UBASH3B: variants seen among roughly 807,000 people sequenced by gnomAD.
The protein encoded by UBASH3B is ubiquitin associated and SH3 domain containing B, also known as ubiquitin-associated and SH3 domain-containing protein B.
UBASH3B carries 37 observed loss-of-function variants against 83.4 expected under a neutral mutation model. The observed-to-expected ratio is 0.44, with a 90% CI of 0.34 to 0.58. The LOEUF (loss-of-function observed/expected upper bound fraction) is 0.58. Among genes scored for constraint, UBASH3B ranks in the 20% least tolerant of loss-of-function variants. UBASH3B has a pLI of 0.01. For synonymous variants in UBASH3B, 304 were observed against 318.3 expected (o/e 0.96, Z 0.48); for missense variants, 657 against 827.2 (o/e 0.79, Z 2.52).
intron 1 of UBASH3B, among the ~76,000 whole-genome samples, chr11:122,690,268 A>C (rs565040685): frequency 1.1e-3 from 148 of 137,626 alleles, no homozygotes; most frequent in Non-Finnish European, 2.0e-3. Flanking sequence ...ATATATATAT[A>C]TATCTCCAAT....
chr11:122,695,502 G>C (rs1169134494), intron 1 of UBASH3B, among the ~76,000 whole-genome samples: 1 of 152,146 alleles, frequency 6.6e-6, no homozygotes, highest in Non-Finnish European at 1.5e-5. Context: ...ACCCCTTCTG[G>C]GAATATCTCC....
rs1448066962 is a variant in UBASH3B, at chr11:122,759,502, AC to A, written c.162-16715del. 2.6e-5 allele frequency among the ~76,000 whole-genome samples: 4 copies of A among 152,168 alleles called. No homozygotes were observed. Among genetic ancestry groups the A allele is most frequent in the African/African-American group, 9.7e-5 (4 of 41,440 alleles). On this transcript the variant is annotated intron_variant, in intron 1 of 13. Coordinates refer to ENST00000284273, the MANE Select transcript of UBASH3B (RefSeq NM_032873.5). This position sits in a 1 kb window ranked among gnomAD's most constrained non-coding sequence, Gnocchi z 4.1. ...TAATATATAATGAAATAGTGATACAACCAACTCACCATAATGTAGAATGAGT... is the reference window on the plus strand; with the variant it reads ...TAATATATAATGAAATAGTGATACAACAACTCACCATAATGTAGAATGAGT...
intron 1 of UBASH3B, among the ~76,000 whole-genome samples, chr11:122,671,168 G>T (rs1863588585): frequency 6.6e-6 from 1 of 152,226 alleles, no homozygotes; most frequent in African/African-American, 2.4e-5. Context: ...TCAGTGCGCA[G>T]TGGGAGCCAC....
chr11:122,708,497 T>C (rs1864153208), intron 1 of UBASH3B, among the ~76,000 whole-genome samples: 1 of 152,144 alleles, frequency 6.6e-6, no homozygotes, highest in Non-Finnish European at 1.5e-5. Context: ...TTTCACCATG[T>C]TGGCCAGGCT....
Position 122,655,946 on chromosome 11 carries a change from G to A in UBASH3B, c.-104G>A. ...CTCCGCTGCCGCCGCCTCCTGCCTG[G>A]CTCTGGGTCCCCGAGCCCCCTCCCC... On this transcript the variant is annotated 5_prime_UTR_variant, in exon 1 of 14. Coordinates refer to ENST00000284273, the MANE Select transcript of UBASH3B (RefSeq NM_032873.5). 4.0e-6 allele frequency: 5 copies of A among 1,238,802 alleles called. No individual in the cohort carries two copies. The highest frequency in any genetic ancestry group is 5.3e-6 in the Non-Finnish European group (5 of 950,218). 76.7% of individuals were successfully genotyped at this position (1,238,802 alleles called of 1,614,324 possible). A position where few individuals can be genotyped will look rare whatever the true frequency, so the allele number is the denominator to read the frequency against.
At chr11:122,665,784 G>C (rs892107547) in intron 1 of UBASH3B, among the ~76,000 whole-genome samples, 5 of 152,268 alleles carry the variant, frequency 3.3e-5, no homozygotes, top group Admixed American at 6.5e-5. Context: ...CAAACAATTT[G>C]TTTTCTTGCA....
intron 1 of UBASH3B, among the ~76,000 whole-genome samples, chr11:122,667,609 T>G (rs1169114723): frequency 2.6e-5 from 4 of 152,180 alleles, no homozygotes; most frequent in African/African-American, 9.7e-5. Context: ...AGCACACGAT[T>G]ACATCTGAAG....
In UBASH3B at chr11:122,797,012, T is replaced by C. The variant is rs1861168661; in HGVS notation, c.1336T>C (p.Cys446Arg). The change falls in exon 9 of 14, where the codon TGC becomes CGC. Residue 446 changes from cysteine (C) to arginine (R), a missense_variant. Cys to Arg is a radical substitution (Grantham distance 180). Around this residue, in one of 3 missense-constraint regions of UBASH3B, gnomAD observed 573 missense variants for 739.0 expected, o/e 0.78. Transcript: ENST00000284273. ...AGATGCTCCCATCACTGTGTTTGGATGCATGCAAGCAAGACTAGTGGGTAA... is the reference window on the plus strand; with the variant it reads ...AGATGCTCCCATCACTGTGTTTGGACGCATGCAAGCAAGACTAGTGGGTAA... ...EKDAPITVFGCMQARLVGEAL... is the reference protein window; with the variant it reads ...EKDAPITVFGRMQARLVGEAL... 4 of 1,612,796 alleles carry C rather than the reference T, an allele frequency of 2.5e-6. No homozygotes were observed. The highest frequency in any genetic ancestry group is 2.5e-6 in the Non-Finnish European group (3 of 1,179,400).
intron 1 of UBASH3B, among the ~76,000 whole-genome samples, chr11:122,710,455 C>G (rs1864177066): frequency 6.6e-6 from 1 of 152,188 alleles, no homozygotes; most frequent in African/African-American, 2.4e-5. Flanking sequence ...AAGGCAGGTC[C>G]AGTCTCATCC....
chr11:122,737,996 CTG>C (rs1379975250), intron 1 of UBASH3B, among the ~76,000 whole-genome samples: 5 of 151,892 alleles, frequency 3.3e-5, no homozygotes, highest in African/African-American at 1.2e-4. Context: ...ACAAAGGAAA[CTG>C]AGAATAAGCC....
At chr11:122,680,088 C>T (rs1193989616) in intron 1 of UBASH3B, among the ~76,000 whole-genome samples, 1 of 152,174 alleles carries the variant, frequency 6.6e-6, no homozygotes, top group Non-Finnish European at 1.5e-5. Context: ...GCCTCGGCCT[C>T]CCAAAGTGCT....
chr11:122,814,202 T>C lies in UBASH3B; in HGVS notation c.*4316T>C, dbSNP rs1861501422. On this transcript the variant is annotated 3_prime_UTR_variant, in exon 14 of 14. Coordinates refer to ENST00000284273, the MANE Select transcript of UBASH3B (RefSeq NM_032873.5). Reference sequence around the variant, plus strand: ...AAACCTGTTATTTTGGAGAGGTGTATTGGTTTCTTTCTCATTTATAAGGCT... The same window carrying C: ...AAACCTGTTATTTTGGAGAGGTGTACTGGTTTCTTTCTCATTTATAAGGCT... 1 of 152,428 alleles carries C rather than the reference T, an allele frequency of 6.6e-6. No homozygotes were observed. The highest frequency in any genetic ancestry group is 6.6e-5 in the Admixed American group (1 of 15,228). The allele number at this position is 152,428 out of a possible 1,614,324, so 9.4% of individuals were successfully genotyped here.
rs57890823 is a variant in UBASH3B at position 122,690,214 on chromosome 11, T to TTATATATATA, written c.161+34010_161+34019dup. Among the ~76,000 whole-genome samples, 266 of 52,626 alleles carry TTATATATATA rather than the reference T, an allele frequency of 5.1e-3. 8 individuals carry two copies. Among genetic ancestry groups the TTATATATATA allele is most frequent in the African/African-American group, 0.02 (251 of 12,310 alleles). 34.5% of individuals were successfully genotyped at this position (52,626 alleles called of 152,430 possible). ...TATATATATATATATATATATCCAA[T>TTATATATATA]TATATATATATATATCCAATTTTAT... is the stretch of plus-strand genomic sequence containing the variant. On this transcript the variant is annotated intron_variant, in intron 1 of 13. Coordinates refer to ENST00000284273, the MANE Select transcript of UBASH3B (RefSeq NM_032873.5).
At chr11:122,722,588 A>G (rs959462090) in intron 1 of UBASH3B, among the ~76,000 whole-genome samples, 4 of 152,194 alleles carry the variant, frequency 2.6e-5, no homozygotes, top group East Asian at 3.9e-4. Flanking sequence ...CCAGCTTGGT[A>G]GAAAATTGGG....
rs965559074 is a variant in UBASH3B at position 122,812,210 on chromosome 11, A to C, written c.*2324A>C. The C allele has an allele frequency of 2.6e-5, 4 of 152,072 alleles. No homozygotes were observed. The highest frequency in any genetic ancestry group is 5.9e-5 in the Non-Finnish European group (4 of 68,006). The allele number at this position is 152,072 out of a possible 1,614,324, so 9.4% of individuals were successfully genotyped here. A position where few individuals can be genotyped will look rare whatever the true frequency, so the allele number is the denominator to read the frequency against. ...ATTTTCCGAATAATTCAGGTGGAAA[A>C]CAAGAAAGATTGTATTTCTCTGCTT... On this transcript the variant is annotated 3_prime_UTR_variant, in exon 14 of 14. Transcript: ENST00000284273.
chr11:122,662,650 C>CG (rs1466583837), intron 1 of UBASH3B, among the ~76,000 whole-genome samples: 8 of 152,030 alleles, frequency 5.3e-5, no homozygotes, highest in African/African-American at 1.9e-4. Flanking sequence ...AGGCTGGTCT[C>CG]GAACTCCTGA....
intron 5 of UBASH3B, among the ~76,000 whole-genome samples, chr11:122,786,414 T>C (rs1455385009): frequency 1.3e-5 from 2 of 151,790 alleles, no homozygotes; most frequent in Non-Finnish European, 2.9e-5. Flanking sequence ...CCCAGCACTT[T>C]AGGAGGCCGA....
chr11:122,805,936 A>C (rs1861333801), intron 11 of UBASH3B, among the ~76,000 whole-genome samples: 1 of 152,334 alleles, frequency 6.6e-6, no homozygotes, highest in South Asian at 2.1e-4. Flanking sequence ...TCAAAATAAG[A>C]GAGAATTAAA....
Position 122,806,344 on chromosome 11 carries a change from A to G in UBASH3B, c.1596-66A>G. 2 of 1,347,522 alleles carry G rather than the reference A, an allele frequency of 1.5e-6. No homozygotes were observed. Among genetic ancestry groups the G allele is most frequent in the Non-Finnish European group, 2.1e-6 (2 of 966,616 alleles). 83.5% of individuals were successfully genotyped at this position (1,347,522 alleles called of 1,614,324 possible). On this transcript the variant is annotated intron_variant, in intron 11 of 13. Coordinates refer to ENST00000284273, the MANE Select transcript of UBASH3B (RefSeq NM_032873.5). The surrounding 1 kb of genome is among the most constrained non-coding windows in gnomAD (Gnocchi z 4.0). Reference sequence around the variant, plus strand: ...GAAATGCCTTGAAATAAAAGTTTAGAGTGATATCTTCCTTTGTCTCAAGAT... The same window carrying G: ...GAAATGCCTTGAAATAAAAGTTTAGGGTGATATCTTCCTTTGTCTCAAGAT...
Sources: gnomAD v4.1 joint callset for allele counts (sites outside exome capture counted in the v4.1 genomes callset) on GRCh38, gnomAD v4.1.1 for gene constraint, gnomAD v4.1.1 regional missense constraint, Gnocchi (gnomAD v3.1) non-coding constraint, MANE v1.5 for transcripts, NCBI Gene and HGNC (gene_info 2026-07-23, HGNC 2026-07-21) for gene names.